The following NEU4 variants were observed in gnomAD, a reference collection of about 807,000 sequenced individuals.
NEU4 encodes sialidase-4.
In NEU4, 7 loss-of-function variants were observed where a neutral mutation model predicts 9.9. The observed-to-expected ratio is 0.71, with a 90% CI of 0.40 to 1.33. NEU4 has a LOEUF of 1.33. NEU4 is among the 40% of genes most tolerant of loss of function. The pLI is 0.01. For synonymous variants in NEU4, 348 were observed against 316.9 expected, an observed-to-expected ratio of 1.10 and a Z score of -1.04; for missense variants, 717 against 712.6, an observed-to-expected ratio of 1.01 and a Z score of -0.07.
In NEU4 at chr2:241,814,683, C is replaced by T. The variant is rs111575589; in HGVS notation, c.199C>T (p.Arg67Trp). 6.2e-4 allele frequency: 961 copies of T among 1,547,530 alleles called. 2 individuals carry two copies. The African/African-American group carries it at 7.6e-3, about 12-fold the overall frequency. Residue 67 changes from arginine (R) to tryptophan (W), a missense_variant and splice_region_variant, in exon 2 of 4, where the codon CGG becomes TGG. Arg to Trp is a moderately radical substitution (Grantham distance 101). Coordinates refer to ENST00000407683, the MANE Select transcript of NEU4 (RefSeq NM_001167600.3). ...RRGTLAGGSV[R>W]WGALHVLGTA... ...GGGCACGCTGGCCGGGGGCTCCGTG[C>T]GGGTGAGTGAGTGGCCGGGGGCTCT...
At chr2:241,810,125 G>C (rs1013772070) in intron 1 of NEU4, among the ~76,000 whole-genome samples, 1 of 152,144 alleles carries the variant, frequency 6.6e-6, no homozygotes, top group Non-Finnish European at 1.5e-5. Flanking sequence ...CAGGATTCTC[G>C]GCTGTGAGCA....
In NEU4 at chr2:241,815,926, G is replaced by T. The variant is rs937783561; in HGVS notation, c.458-125G>T. On this transcript the variant is annotated intron_variant, in intron 3 of 3. Coordinates refer to ENST00000407683, the MANE Select transcript of NEU4 (RefSeq NM_001167600.3). ...GCTGGGATGAGTCGTGTGGAAGGGCGGTCAGAGTGCGATGGTCCTAACCCG... is the reference window on the plus strand; with the variant it reads ...GCTGGGATGAGTCGTGTGGAAGGGCTGTCAGAGTGCGATGGTCCTAACCCG... The T allele has an allele frequency of 2.7e-5, 25 of 937,092 alleles. No individual in the cohort carries two copies. The African/African-American group carries it at 4.0e-4, about 15-fold the overall frequency. 58.0% of individuals were successfully genotyped at this position (937,092 alleles called of 1,614,324 possible).
intron 1 of NEU4, chr2:241,811,147 C>A: frequency 8.2e-7 from 1 of 1,221,744 alleles, no homozygotes; most frequent in Non-Finnish European, 1.0e-6. Flanking sequence ...ACAGCTGGGC[C>A]TGTCCCAGCA....
At chr2:241,812,956 G>C (rs1002192863) in intron 1 of NEU4, among the ~76,000 whole-genome samples, 2 of 152,210 alleles carry the variant, frequency 1.3e-5, no homozygotes, top group Non-Finnish European at 2.9e-5. Flanking sequence ...GTCTGCACCT[G>C]CTTCCCGCTT....
At chr2:241,811,430 T>A in intron 1 of NEU4, 3 of 1,565,226 alleles carry the variant, frequency 1.9e-6, no homozygotes, top group Non-Finnish European at 2.6e-6. Flanking sequence ...CAGCCACCCA[T>A]GATGAGCTCT....
Position 241,817,011 on chromosome 2 carries a change from T to G in NEU4, c.1418T>G (p.Leu473Arg), listed in dbSNP as rs375878214. 3.7e-6 allele frequency: 6 copies of G among 1,607,242 alleles called. No homozygotes were observed. In the African/African-American group the frequency reaches 8.0e-5, roughly 21 times the overall value. ...NVPASPKPPN[L>R]GDKPRGCCWP... ...CCCGCCAGCCCCAAACCGCCCAACC[T>G]TGGGGACAAGCCTCGGGGGTGCTGC... The change falls in exon 4 of 4, where the codon CTT becomes CGT. Residue 473 changes from leucine (L) to arginine (R), a missense_variant. Transcript: ENST00000407683.
intron 3 of NEU4, 36 bp from the exon 4 acceptor site, chr2:241,816,015 C>T (rs1559430969): frequency 6.5e-7 from 1 of 1,541,246 alleles, no homozygotes; most frequent in East Asian, 2.3e-5. Flanking sequence ...CTCGGGGACC[C>T]AGCAGCCCCT....
At position 241,816,603 on chromosome 2, in the gene NEU4, T is replaced by A; in HGVS notation, c.1010T>A (p.Leu337Gln). 3 of 1,589,800 alleles carry A rather than the reference T, an allele frequency of 1.9e-6. No individual in the cohort carries two copies. Among genetic ancestry groups the A allele is most frequent in the Non-Finnish European group, 8.6e-7 (1 of 1,169,550 alleles). Reference sequence around the variant, plus strand: ...GTGCCTGGTGGGCCCTTCAGCCGTCTGCAGCCTCGGGGGGATGGCCCCAGG... The same window carrying A: ...GTGCCTGGTGGGCCCTTCAGCCGTCAGCAGCCTCGGGGGGATGGCCCCAGG... ...GQVPGGPFSR[L>Q]QPRGDGPRQP... Residue 337 changes from leucine to glutamine, a missense_variant, in exon 4 of 4, where the codon CTG becomes CAG. Physicochemically the swap from Leu to Gln is moderately radical, Grantham distance 113 (BLOSUM62 -2). Coordinates refer to ENST00000407683, the MANE Select transcript of NEU4 (RefSeq NM_001167600.3).
At chr2:241,809,663 C>T (rs1465907999) in intron 1 of NEU4, 4 of 188,992 alleles carry the variant, frequency 2.1e-5, no homozygotes, top group South Asian at 9.1e-5. Flanking sequence ...CTGTCATATA[C>T]CCTGGGTAGA....
rs78073278 is a variant in NEU4, at chr2:241,816,271, A to G, written c.678A>G (p.Ala226=). 1,524,590 of 1,593,708 alleles carry G rather than the reference A, an allele frequency of 0.96. 729,460 individuals are homozygous for G. Among genetic ancestry groups the G allele is most frequent in the East Asian group, 1 (43,533 of 43,548 alleles). Reference sequence around the variant, plus strand: ...TGCGCTCAGGCGAGTGCCAGCTGGCAGCGGTGGACGGTGGGCAGGCCGGCA... The same window carrying G: ...TGCGCTCAGGCGAGTGCCAGCTGGCGGCGGTGGACGGTGGGCAGGCCGGCA... ...PNLRSGECQL[A]AVDGGQAGSF... is the part of the protein sequence containing the mutation. The change falls in exon 4 of 4, where the codon GCA becomes GCG. Residue 226 remains alanine, a synonymous_variant. Transcript: ENST00000407683.
rs545208503 is a variant in NEU4, at chr2:241,814,423, G to C, written c.-3-59G>C. ...GCGCATTCCCCAGTCCAGACCGGGA[G>C]CGAGTGTGGGGCTCCCTGGGCCTGT... On this transcript the variant is annotated intron_variant, in intron 1 of 3. Coordinates refer to ENST00000407683, the MANE Select transcript of NEU4 (RefSeq NM_001167600.3). 7.6e-5 allele frequency: 116 copies of C among 1,530,508 alleles called. No homozygotes were observed. In the African/African-American group the frequency reaches 1.5e-3, roughly 19 times the overall value. The allele number at this position is 1,530,508 out of a possible 1,614,324, so 94.8% of individuals were successfully genotyped here.
chr2:241,813,758 C>A, intron 1 of NEU4: 1 of 338,594 alleles, frequency 3.0e-6, no homozygotes, highest in Non-Finnish European at 6.1e-6. Flanking sequence ...GATCACCAAG[C>A]ACCTGTCCCC....
intron 1 of NEU4, 101 bp from the exon 2 acceptor site, chr2:241,814,381 C>T (rs544136451): frequency 2.7e-6 from 3 of 1,111,666 alleles, no homozygotes; most frequent in Non-Finnish European, 3.9e-6. Flanking sequence ...TGGGCAGGAG[C>T]TGTCTGCACC....
At chr2:241,815,564 GTC>G (rs1316751183) in intron 3 of NEU4, 3 of 505,480 alleles carry the variant, frequency 5.9e-6, no homozygotes, top group Admixed American at 2.3e-5. Context: ...ACGCTGAGGT[GTC>G]TCTCAGCTCC....
At chr2:241,811,470 C>T in intron 1 of NEU4, 12 of 1,564,034 alleles carry the variant, frequency 7.7e-6, no homozygotes, top group Non-Finnish European at 1.0e-5. Context: ...TGGTGAGTCC[C>T]TGCCCTTTGC....
intron 1 of NEU4, 149 bp downstream of exon 1, chr2:241,809,423 G>T (rs1198233852): frequency 2.5e-6 from 1 of 396,184 alleles, no homozygotes. Context: ...GCCCATAAAA[G>T]GGGGACACAG....
chr2:241,810,132 A>T (rs1700065688), intron 1 of NEU4, among the ~76,000 whole-genome samples: 1 of 152,078 alleles, frequency 6.6e-6, no homozygotes, highest in African/African-American at 2.4e-5. Context: ...CTCGGCTGTG[A>T]GCAGGAGGAT....
Position 241,816,048 on chromosome 2 carries a change from C to T in NEU4, c.458-3C>T. 6.3e-7 allele frequency: 1 copy of T among 1,596,246 alleles called. No individual in the cohort carries two copies. On this transcript the variant is annotated splice_region_variant and splice_polypyrimidine_tract_variant and intron_variant, in intron 3 of 3. Coordinates refer to ENST00000407683, the MANE Select transcript of NEU4 (RefSeq NM_001167600.3). The stretch of plus-strand genomic sequence containing the variant: ...CCTCCCACCTCTGCCCTCCTCCCTG[C>T]AGACTGGGCCACATTCGCTGTGGGT...
chr2:241,815,314 C>A, intron 3 of NEU4, 167 bp downstream of exon 3: 1 of 1,006,866 alleles, frequency 9.9e-7, no homozygotes, highest in Non-Finnish European at 1.4e-6. Context: ...CCAGGCAAAT[C>A]CCTCTCCCCA....
Sources: gnomAD v4.1 joint callset for allele counts (sites outside exome capture counted in the v4.1 genomes callset) on GRCh38, gnomAD v4.1.1 for gene constraint, MANE v1.5 for transcripts, NCBI Gene and HGNC (gene_info 2026-07-23, HGNC 2026-07-21) for gene names.